Variants in ADAMTS7 observed in about 807,000 individuals in gnomAD.
ADAMTS7 encodes ADAM metallopeptidase with thrombospondin type 1 motif 7.
ADAMTS7 carries 89 observed loss-of-function variants against 172.6 expected under a neutral mutation model. That is an observed-to-expected ratio of 0.52 (90% CI 0.43 to 0.61). The LOEUF is 0.61. ADAMTS7 is among the 20% of genes least tolerant of loss of function. The pLI, the probability that ADAMTS7 is intolerant of heterozygous loss-of-function variation, is 0.00. For missense variants in ADAMTS7, 1,973 were observed against 2,355.6 expected (o/e 0.84, Z 3.36); for synonymous variants, 885 against 978.4 (o/e 0.90, Z 1.78).
At chr15:78,777,722 C>A (rs370578147) in intron 8 of ADAMTS7, 134 bp from the exon 9 acceptor site, 6 of 1,195,492 alleles carry the variant, frequency 5.0e-6, no homozygotes, top group African/African-American at 1.5e-5. Context: ...CCAGCCTCCC[C>A]GCTCGGCTCA....
At chr15:78,761,468 TG>T (rs1245745961) in intron 23 of ADAMTS7, among the ~76,000 whole-genome samples, 1 of 152,140 alleles carries the variant, frequency 6.6e-6, no homozygotes, top group African/African-American at 2.4e-5. Flanking sequence ...ACAGTGGCTG[TG>T]GGGGAGGGGA....
Position 78,759,429 on chromosome 15 carries a change from G to A in ADAMTS7, c.5053C>T (p.Arg1685Cys), listed in dbSNP as rs200891805. The A allele has an allele frequency of 1.0e-4, 160 of 1,593,446 alleles. No homozygotes were observed. In the African/African-American group the frequency reaches 1.1e-3, roughly 11 times the overall value. The change falls in exon 24 of 24, where the codon CGC becomes TGC. Residue 1685 changes from arginine (R) to cysteine (C), a missense_variant. Arg to Cys is a radical substitution (Grantham distance 180). Coordinates refer to ENST00000388820, the MANE Select transcript of ADAMTS7 (RefSeq NM_014272.5). The stretch of plus-strand genomic sequence containing the variant: ...TGTGCATCCTGGCGCAGTCAGCGGC[G>A]GGCAACCCGCTGATGGCCTCGGGAG... Reference protein sequence around the residue: ...APSRGHQRVARR With the variant: ...APSRGHQRVACR
chr15:78,784,034 A>G (rs2055468164), intron 8 of ADAMTS7, among the ~76,000 whole-genome samples: 1 of 152,178 alleles, frequency 6.6e-6, no homozygotes, highest in Non-Finnish European at 1.5e-5. Context: ...ATTTTAATAG[A>G]AGGATTGTAA....
chr15:78,760,999 G>A (rs951494270), intron 23 of ADAMTS7, among the ~76,000 whole-genome samples: 4 of 152,102 alleles, frequency 2.6e-5, no homozygotes, highest in African/African-American at 9.7e-5. Flanking sequence ...CCCGCTCCCT[G>A]TGGCCAGCCC....
chr15:78,784,261 A>T (rs1216900845), intron 8 of ADAMTS7, among the ~76,000 whole-genome samples: 2 of 151,958 alleles, frequency 1.3e-5, no homozygotes, highest in Non-Finnish European at 2.9e-5. Context: ...GCTACTCGGG[A>T]TGCTGAGGCA....
chr15:78,791,078 G>C (rs1435157007), intron 5 of ADAMTS7, 62 bp downstream of exon 5: 7 of 1,545,282 alleles, frequency 4.5e-6, no homozygotes, highest in Non-Finnish European at 6.2e-6. Context: ...CAGGTCATGC[G>C]GCAGGAGGGC....
intron 11 of ADAMTS7, 140 bp from the exon 12 acceptor site, chr15:78,774,933 C>T: frequency 9.2e-7 from 1 of 1,085,146 alleles, no homozygotes; most frequent in Non-Finnish European, 1.3e-6. Context: ...GCTCCCCTCC[C>T]TTGGGCTGCC....
Position 78,777,505 on chromosome 15 carries a change from T to C in ADAMTS7, c.1406A>G (p.Asp469Gly). The C allele has an allele frequency of 6.2e-7, 1 of 1,612,428 alleles. No individual in the cohort carries two copies. The highest frequency in any genetic ancestry group is 8.5e-7 in the Non-Finnish European group (1 of 1,179,406). The change falls in exon 9 of 24, where the codon GAT (aspartate) becomes GGT (glycine). Residue 469 changes from aspartate (D) to glycine (G), a missense_variant. By Grantham distance (94) the Asp-to-Gly change is moderately conservative. Coordinates refer to ENST00000388820, the MANE Select transcript of ADAMTS7 (RefSeq NM_014272.5). ...FPSVPPGVLYDVSHQCRLQYG... is the reference protein window; with the variant it reads ...FPSVPPGVLYGVSHQCRLQYG... ...CTGGAGGCGGCACTGGTGGCTTACA[T>C]CATAGAGGACGCCAGGTGGCACCGA...
chr15:78,793,772 C>T (rs1271588046), intron 4 of ADAMTS7, among the ~76,000 whole-genome samples: 2 of 152,182 alleles, frequency 1.3e-5, no homozygotes, highest in African/African-American at 2.4e-5. Flanking sequence ...AACATCTGTT[C>T]CCCATCCTTC....
chr15:78,776,411 G>A, intron 10 of ADAMTS7, 78 bp from the exon 11 acceptor site: 1 of 1,536,782 alleles, frequency 6.5e-7, no homozygotes. Flanking sequence ...AACAAGGTGG[G>A]TGGGAAGGCT....
At chr15:78,807,486 C>T (rs2055811881) in intron 1 of ADAMTS7, among the ~76,000 whole-genome samples, 1 of 152,110 alleles carries the variant, frequency 6.6e-6, no homozygotes, top group African/African-American at 2.4e-5. Flanking sequence ...AGAGCTATGC[C>T]GCAGGTGAAA....
At chr15:78,783,936 G>T (rs1051695595) in intron 8 of ADAMTS7, among the ~76,000 whole-genome samples, 3 of 151,976 alleles carry the variant, frequency 2.0e-5, no homozygotes, top group African/African-American at 7.3e-5. Context: ...AAACACTTCT[G>T]GTCCTAAGTA....
chr15:78,766,437 A>G lies in ADAMTS7; in HGVS notation c.3474T>C (p.Pro1158=). The G allele has an allele frequency of 1.4e-6, 2 of 1,469,994 alleles. No homozygotes were observed. Among genetic ancestry groups the G allele is most frequent in the Non-Finnish European group, 9.1e-7 (1 of 1,097,828 alleles). 91.1% of individuals were successfully genotyped at this position (1,469,994 alleles called of 1,614,324 possible). A position where few individuals can be genotyped will look rare whatever the true frequency, so the allele number is the denominator to read the frequency against. The change falls in exon 19 of 24, where the codon CCT becomes CCC. Residue 1158 remains proline (P), a synonymous_variant. Transcript: ENST00000388820. ...GGGCCCCTATGGGGGTGTCTTCCTC[A>G]GGCAGGAAATTGATCAAAGGGTTCC... ...TPGNPLINFL[P]EEDTPIGAPD...
In ADAMTS7 at chr15:78,789,274, C is replaced by T. The variant is rs2055547031; in HGVS notation, c.1178+415G>A. On this transcript the variant is annotated intron_variant, in intron 7 of 23. Transcript: ENST00000388820. ...CCTTGGACATCACTGAATCCAAACC[C>T]CTCAATCTATGGGAAGCACACAGAG... 3.3e-5 allele frequency among the ~76,000 whole-genome samples: 5 copies of T among 152,368 alleles called. No individual in the cohort carries two copies. The South Asian group carries it at 6.2e-4, about 19-fold the overall frequency.
At position 78,771,614 on chromosome 15, in the gene ADAMTS7, C is replaced by A. The variant is rs1453732435; in HGVS notation, c.2347G>T (p.Gly783Cys). The A allele has an allele frequency of 1.9e-6, 3 of 1,600,570 alleles. No homozygotes were observed. The highest frequency in any genetic ancestry group is 2.5e-6 in the Non-Finnish European group (3 of 1,179,054). Reference protein sequence around the residue: ...RGNWENLTSPGPTKEPVWIQL... With the variant: ...RGNWENLTSPCPTKEPVWIQL... ...ATCCAGACAGGCTCCTTGGTGGGACCCGGGGACGTGAGGTTCTCCCAGTTG... is the reference window on the plus strand; with the variant it reads ...ATCCAGACAGGCTCCTTGGTGGGACACGGGGACGTGAGGTTCTCCCAGTTG... The change falls in exon 15 of 24, where the codon GGT (glycine) becomes TGT (cysteine). Residue 783 changes from glycine to cysteine, a missense_variant. Physicochemically the swap from Gly to Cys is radical, Grantham distance 159. Coordinates refer to ENST00000388820, the MANE Select transcript of ADAMTS7 (RefSeq NM_014272.5). This position sits in a 1 kb window ranked among gnomAD's most constrained non-coding sequence, Gnocchi z 4.9.
At chr15:78,787,365 A>AC (rs1362788632) in intron 8 of ADAMTS7, among the ~76,000 whole-genome samples, 2 of 151,590 alleles carry the variant, frequency 1.3e-5, no homozygotes, top group East Asian at 3.9e-4. Context: ...AAAAACAAAA[A>AC]AACACCAGAA....
At chr15:78,777,423 A>C (rs1458743531) in intron 9 of ADAMTS7, 21 bp downstream of exon 9, 21 of 1,608,498 alleles carry the variant, frequency 1.3e-5, no homozygotes, top group Admixed American at 1.7e-5. Flanking sequence ...ACACCCCCAC[A>C]CCCACACCGG....
chr15:78,785,347 C>G lies in ADAMTS7; in HGVS notation c.1322+2884G>C, dbSNP rs575037825. On this transcript the variant is annotated intron_variant, in intron 8 of 23. Transcript: ENST00000388820. ...GGTGAATCACTTGAGGTCAGGAGTT[C>G]GAGACCAGCCTGGCCAACATGGAAA... is the stretch of plus-strand genomic sequence containing the variant. Among the ~76,000 whole-genome samples, 10 of 152,056 alleles carry G rather than the reference C, an allele frequency of 6.6e-5. No homozygotes were observed. In the East Asian group the frequency reaches 1.4e-3, roughly 21 times the overall value.
In ADAMTS7 at chr15:78,767,451, C is replaced by T; in HGVS notation, c.2787G>A (p.Arg929=). 9 of 1,611,820 alleles carry T rather than the reference C, an allele frequency of 5.6e-6. No homozygotes were observed. The highest frequency in any genetic ancestry group is 7.6e-6 in the Non-Finnish European group (9 of 1,179,790). Residue 929 remains arginine (R), a synonymous_variant, in exon 18 of 24, where the codon CGG becomes CGA. Coordinates refer to ENST00000388820, the MANE Select transcript of ADAMTS7 (RefSeq NM_014272.5). ...GGTTGCAAGGGGTTTCAGTAGGGGG[C>T]CGGGGAAGGTGTTCACAGGCGGGTG... is the stretch of plus-strand genomic sequence containing the variant. ...LEPPACEHLP[R]PPTETPCNRH...
Sources: allele counts gnomAD v4.1 joint callset (sites outside exome capture counted in the v4.1 genomes callset), GRCh38; gene constraint gnomAD v4.1.1; non-coding constraint Gnocchi (gnomAD v3.1); transcripts MANE v1.5; gene names NCBI Gene and HGNC (gene_info 2026-07-23, HGNC 2026-07-21).